CLUAP1: variants seen among roughly 807,000 people sequenced by gnomAD.
CLUAP1 encodes intraflagellar transport 38.
In CLUAP1, 50 loss-of-function variants were observed where a neutral mutation model predicts 55.0. The ratio of observed to expected loss-of-function variants is 0.91; its 90% CI spans 0.72 to 1.15. The LOEUF is 1.15. Among genes scored for constraint, CLUAP1 ranks in the 50% most tolerant of loss-of-function variants. The pLI, the probability that CLUAP1 is intolerant of heterozygous loss-of-function variation, is 0.00. For missense variants in CLUAP1, 530 were observed against 507.6 expected (o/e 1.04, Z -0.42); for synonymous variants, 195 against 175.4 (o/e 1.11, Z -0.88).
In CLUAP1 at chr16:3,530,629, A is replaced by G. The variant is rs762825791; in HGVS notation, c.990A>G (p.Glu330=). Residue 330 remains glutamate, a synonymous_variant, in exon 10 of 12, where the codon GAA becomes GAG. Transcript: ENST00000576634. ...EDDESDSELE[E]RRLPKPQTAM... ...ATGAATCCGACAGTGAGTTGGAAGA[A>G]AGGCGGCTGCCCAAGCCACAGACAG... is the stretch of plus-strand genomic sequence containing the variant. 4.3e-6 allele frequency: 7 copies of G among 1,614,024 alleles called. No homozygotes were observed. Among genetic ancestry groups the G allele is most frequent in the Non-Finnish European group, 5.9e-6 (7 of 1,179,986 alleles).
At position 3,536,216 on chromosome 16, in the gene CLUAP1, C is replaced by G; in HGVS notation, c.1187C>G (p.Pro396Arg). 1.2e-6 allele frequency: 2 copies of G among 1,614,084 alleles called. No homozygotes were observed. The change falls in exon 12 of 12, where the codon CCC becomes CGC. Residue 396 changes from proline to arginine, a missense_variant. Transcript: ENST00000576634. ...AGCATTTCTCTCTCACCAACCAAGCCCAATCGAAGGGTCCGGAAATCTGAA... is the reference window on the plus strand; with the variant it reads ...AGCATTTCTCTCTCACCAACCAAGCGCAATCGAAGGGTCCGGAAATCTGAA... ...DESISLSPTK[P>R]NRRVRKSEPL...
chr16:3,531,082 G>A (rs528013009), intron 10 of CLUAP1, among the ~76,000 whole-genome samples: 82 of 152,292 alleles, frequency 5.4e-4, no homozygotes, highest in East Asian at 1.9e-3. Flanking sequence ...AAAGCTCAGC[G>A]CAGTGGTGCA....
chr16:3,507,089 G>C (rs943667863), intron 3 of CLUAP1, among the ~76,000 whole-genome samples: 33 of 151,872 alleles, frequency 2.2e-4, no homozygotes, highest in African/African-American at 7.7e-4. Context: ...CCAGCTACTC[G>C]GGAGGCTGAG....
At chr16:3,526,704 C>T (rs541627692) in intron 9 of CLUAP1, among the ~76,000 whole-genome samples, 3 of 151,786 alleles carry the variant, frequency 2.0e-5, no homozygotes, top group East Asian at 1.9e-4. Context: ...TTTCAAAAGG[C>T]GGTTTTCTCA....
Position 3,537,373 on chromosome 16 carries a change from T to C in CLUAP1, c.*1102T>C, listed in dbSNP as rs1489839481. 1 of 152,086 alleles carries C rather than the reference T, an allele frequency of 6.6e-6. No individual in the cohort carries two copies. Among genetic ancestry groups the C allele is most frequent in the Non-Finnish European group, 1.5e-5 (1 of 68,006 alleles). The allele number at this position is 152,086 out of a possible 1,614,324, so 9.4% of individuals were successfully genotyped here. Reference sequence around the variant, plus strand: ...CTTTTTTCTTCTTCTTTTTTTTTAATATGAAAAGTACTTAGCTGGGAGTGG... The same window carrying C: ...CTTTTTTCTTCTTCTTTTTTTTTAACATGAAAAGTACTTAGCTGGGAGTGG... On this transcript the variant is annotated 3_prime_UTR_variant, in exon 12 of 12. Transcript: ENST00000576634.
Position 3,506,377 on chromosome 16 carries a change from G to A in CLUAP1, c.181G>A (p.Asp61Asn). The A allele has an allele frequency of 6.2e-7, 1 of 1,614,076 alleles. No homozygotes were observed. The highest frequency in any genetic ancestry group is 1.1e-5 in the South Asian group (1 of 91,084). The change falls in exon 3 of 12, where the codon GAC becomes AAC. Residue 61 changes from aspartate (D) to asparagine (N), a missense_variant. Physicochemically the swap from Asp to Asn is conservative, Grantham distance 23. Transcript: ENST00000576634. The stretch of plus-strand genomic sequence containing the variant: ...CCCGCCTGACGTGGATACTGAACAG[G>A]ACCGAGTTTTCTTCATTAAGGCAAT... ...DIPPDVDTEQDRVFFIKAIAQ... is the reference protein window; with the variant it reads ...DIPPDVDTEQNRVFFIKAIAQ...
rs1298189738 is a variant in CLUAP1 at position 3,538,183 on chromosome 16, G to C, written c.*1912G>C. The C allele has an allele frequency of 6.6e-6, 1 of 151,848 alleles. No homozygotes were observed. Among genetic ancestry groups the C allele is most frequent in the African/African-American group, 2.4e-5 (1 of 41,318 alleles). The allele number at this position is 151,848 out of a possible 1,614,324, so 9.4% of individuals were successfully genotyped here. On this transcript the variant is annotated 3_prime_UTR_variant, in exon 12 of 12. Coordinates refer to ENST00000576634, the MANE Select transcript of CLUAP1 (RefSeq NM_015041.3). ...AAATATAATTATTGTATTTGTACCT[G>C]TCAGATATAAATACTTATTCAGGAG... is the stretch of plus-strand genomic sequence containing the variant.
intron 1 of CLUAP1, among the ~76,000 whole-genome samples, chr16:3,503,821 T>C (rs940264774): frequency 1.7e-4 from 26 of 152,314 alleles, no homozygotes; most frequent in Non-Finnish European, 1.5e-5. Flanking sequence ...TTTGTGACTT[T>C]GCTGTTTCCT....
rs374595300 is a variant in CLUAP1 at position 3,508,488 on chromosome 16, T to C, written c.399+20T>C. ...TCAAAGGTAAGGACAACAAAAGCCT[T>C]GTAGTGGGCGATGGAGCGTTGATTT... On this transcript the variant is annotated intron_variant, in intron 4 of 11. Coordinates refer to ENST00000576634, the MANE Select transcript of CLUAP1 (RefSeq NM_015041.3). The C allele has an allele frequency of 6.2e-5, 95 of 1,536,160 alleles. No homozygotes were observed. In the African/African-American group the frequency reaches 1.2e-3, roughly 20 times the overall value.
chr16:3,516,873 G>T (rs2037738423), intron 6 of CLUAP1, among the ~76,000 whole-genome samples: 1 of 152,152 alleles, frequency 6.6e-6, no homozygotes, highest in Admixed American at 6.5e-5. Flanking sequence ...AGAAAGTAAG[G>T]AAGAGTTCAA....
chr16:3,512,416 T>A lies in CLUAP1; in HGVS notation c.433T>A (p.Ser145Thr). The A allele has an allele frequency of 6.2e-7, 1 of 1,614,060 alleles. No individual in the cohort carries two copies. Among genetic ancestry groups the A allele is most frequent in the Non-Finnish European group, 8.5e-7 (1 of 1,179,964 alleles). The change falls in exon 5 of 12, where the codon TCT becomes ACT. Residue 145 changes from serine (S) to threonine (T), a missense_variant. Coordinates refer to ENST00000576634, the MANE Select transcript of CLUAP1 (RefSeq NM_015041.3). The stretch of plus-strand genomic sequence containing the variant: ...TTTGAAGGCAGCCAGGCAGCTTGCG[T>A]CTGAAATCACCTCCAAAGGAGCATC... Reference protein sequence around the residue: ...ADLKAARQLASEITSKGASLY... With the variant: ...ADLKAARQLATEITSKGASLY...
At chr16:3,500,767 C>T (rs1306130779), upstream of CLUAP1, among the ~76,000 whole-genome samples, 2 of 152,228 alleles carry the variant, frequency 1.3e-5, no homozygotes, top group East Asian at 3.9e-4. Context: ...CAGAACCTGT[C>T]ACCCAGCGCG....
At chr16:3,500,309 C>A (rs902237748), upstream of CLUAP1, among the ~76,000 whole-genome samples, 1 of 152,144 alleles carries the variant, frequency 6.6e-6, no homozygotes, top group African/African-American at 2.4e-5. Flanking sequence ...AACCAGATTC[C>A]GACGAGGAGC....
chr16:3,512,403 C>T lies in CLUAP1; in HGVS notation c.420C>T (p.Ala140=), dbSNP rs1344516322. The change falls in exon 5 of 12, where the codon GCC becomes GCT. Residue 140 remains alanine (A), a synonymous_variant. Coordinates refer to ENST00000576634, the MANE Select transcript of CLUAP1 (RefSeq NM_015041.3). ...TCCAGATTGCAGATTTGAAGGCAGC[C>T]AGGCAGCTTGCGTCTGAAATCACCT... ...LGSKIADLKA[A]RQLASEITSK... The T allele has an allele frequency of 2.5e-6, 4 of 1,613,782 alleles. No homozygotes were observed. Among genetic ancestry groups the T allele is most frequent in the African/African-American group, 1.3e-5 (1 of 74,890 alleles).
chr16:3,529,725 TTATA>T (rs1158753456), intron 9 of CLUAP1, among the ~76,000 whole-genome samples: 5 of 37,282 alleles, frequency 1.3e-4, no homozygotes, highest in Admixed American at 5.2e-4. Context: ...ATATTATATA[TTATA>T]TATATTATTA....
intron 9 of CLUAP1, among the ~76,000 whole-genome samples, chr16:3,529,928 A>G (rs892345569): frequency 1.7e-5 from 2 of 120,198 alleles, no homozygotes; most frequent in Non-Finnish European, 3.3e-5. Context: ...ATTATTATAT[A>G]TAATAATATA....
intron 6 of CLUAP1, 57 bp downstream of exon 6, chr16:3,515,648 A>C: frequency 8.2e-7 from 1 of 1,217,820 alleles, no homozygotes; most frequent in South Asian, 1.4e-5. Flanking sequence ...AAAAATACTG[A>C]TTTCTTGCCC....
At chr16:3,507,680 T>TTGTGTGTGTGTGTG (rs61672090) in intron 3 of CLUAP1, among the ~76,000 whole-genome samples, 100 of 143,080 alleles carry the variant, frequency 7.0e-4, no homozygotes, top group South Asian at 3.4e-3. Context: ...CTTCCAGAGT[T>TTGTGTGTGTGTGTG]TGTGTGTGTG....
intron 4 of CLUAP1, among the ~76,000 whole-genome samples, chr16:3,510,153 C>T (rs1175650338): frequency 6.6e-6 from 1 of 152,226 alleles, no homozygotes; most frequent in Non-Finnish European, 1.5e-5. Context: ...CGCCACCACA[C>T]CCAGCTAATT....
Sources: gnomAD v4.1 joint callset for allele counts (sites outside exome capture counted in the v4.1 genomes callset) on GRCh38, gnomAD v4.1.1 for gene constraint, MANE v1.5 for transcripts, NCBI Gene and HGNC (gene_info 2026-07-23, HGNC 2026-07-21) for gene names.